The following PTPRG variants were observed in gnomAD, a reference collection of about 807,000 sequenced individuals.
PTPRG encodes protein tyrosine phosphatase receptor type G, also known as receptor-type tyrosine-protein phosphatase gamma.
In PTPRG, 102 loss-of-function variants were observed where a neutral mutation model predicts 165.3. The ratio of observed to expected loss-of-function variants is 0.62; its 90% CI spans 0.53 to 0.73. The LOEUF (loss-of-function observed/expected upper bound fraction) is 0.73. Among genes scored for constraint, PTPRG ranks in the 30% least tolerant of loss-of-function variants. The pLI, the probability that PTPRG is intolerant of heterozygous loss-of-function variation, is 0.00. For synonymous variants in PTPRG, 675 were observed against 669.5 expected (o/e 1.01, Z -0.13); for missense variants, 1,866 against 1,861.4 (o/e 1.00, Z -0.05).
At chr3:61,723,282 A>G (rs1303658926) in intron 1 of PTPRG, among the ~76,000 whole-genome samples, 2 of 151,180 alleles carry the variant, frequency 1.3e-5, no homozygotes, top group Non-Finnish European at 2.9e-5. Context: ...TTTTCTTTTT[A>G]CTGTCACAAC....
At chr3:61,961,057 A>C (rs79972842) in intron 2 of PTPRG, among the ~76,000 whole-genome samples, 2,017 of 152,262 alleles carry the variant, frequency 0.013, 41 homozygotes, top group African/African-American at 0.045. Context: ...TGTTCTTTGC[A>C]CAAGGCCAAA....
chr3:62,182,696 T>G (rs1203406099), intron 8 of PTPRG, among the ~76,000 whole-genome samples: 1 of 152,258 alleles, frequency 6.6e-6, no homozygotes, highest in African/African-American at 2.4e-5. Context: ...AGTCTCGCTC[T>G]GTCGCCAGGC....
intron 1 of PTPRG, among the ~76,000 whole-genome samples, chr3:61,590,391 G>A (rs975065468): frequency 1.3e-5 from 2 of 152,088 alleles, no homozygotes; most frequent in African/African-American, 4.8e-5. Flanking sequence ...TGGCGTAGTG[G>A]CACGCACCTG....
rs117584174 is a variant in PTPRG at position 62,139,112 on chromosome 3, T to C, written c.682+6444T>C. ...TCCTCTCCTGGAGAATGTACCATCT[T>C]AGTGAGGTGTAATAGGTTTCTTTTT... On this transcript the variant is annotated intron_variant, in intron 6 of 29. Transcript: ENST00000474889. Among the ~76,000 whole-genome samples the C allele has an allele frequency of 7.2e-5, 11 of 152,276 alleles. No individual in the cohort carries two copies. The East Asian group carries it at 1.9e-3, about 27-fold the overall frequency.
intron 1 of PTPRG, among the ~76,000 whole-genome samples, chr3:61,726,088 A>G (rs568310294): frequency 7.2e-5 from 11 of 152,300 alleles, no homozygotes; most frequent in South Asian, 6.2e-4. Context: ...CCTTCCCCAC[A>G]TATTTAATCT....
chr3:61,621,113 T>G (rs913768611), intron 1 of PTPRG, among the ~76,000 whole-genome samples: 3 of 150,170 alleles, frequency 2.0e-5, no homozygotes, highest in Admixed American at 1.3e-4. Context: ...TATACTAAAA[T>G]CCTATGAAAA....
rs1201511761 is a variant in PTPRG at position 62,098,492 on chromosome 3, CTG to C, written c.615+20237_615+20238del. On this transcript the variant is annotated intron_variant, in intron 5 of 29. Coordinates refer to ENST00000474889, the MANE Select transcript of PTPRG (RefSeq NM_002841.4). The stretch of plus-strand genomic sequence containing the variant: ...AATCACCTGTGGATAGTGGGGATAA[CTG>C]TGGGCAAATAAGGCATTGTCAATTT... 2.6e-5 allele frequency among the ~76,000 whole-genome samples: 4 copies of C among 152,186 alleles called. No homozygotes were observed. The East Asian group carries it at 7.7e-4, about 29-fold the overall frequency.
chr3:61,744,367 T>C (rs181054797), intron 1 of PTPRG, among the ~76,000 whole-genome samples: 79 of 152,310 alleles, frequency 5.2e-4, no homozygotes, highest in African/African-American at 1.9e-3. Context: ...TAGAGTGTAC[T>C]TAACAAACTT....
intron 1 of PTPRG, among the ~76,000 whole-genome samples, chr3:61,714,594 A>T (rs1021037647): frequency 3.9e-5 from 6 of 152,212 alleles, no homozygotes; most frequent in Non-Finnish European, 2.9e-5. Context: ...TTAGGGGCTG[A>T]GATTCAATCC....
intron 2 of PTPRG, among the ~76,000 whole-genome samples, chr3:61,938,000 T>C (rs1019608692): frequency 1.3e-5 from 2 of 152,042 alleles, no homozygotes; most frequent in South Asian, 2.1e-4. Context: ...AGTGCTTTTA[T>C]TGGAATTTAA....
chr3:61,881,666 C>T (rs539049124), intron 2 of PTPRG, among the ~76,000 whole-genome samples: 66 of 152,276 alleles, frequency 4.3e-4, no homozygotes, highest in African/African-American at 1.5e-3. Context: ...AGAACACTTT[C>T]CTCAAATACA....
At chr3:61,838,214 G>A (rs1427573815) in intron 2 of PTPRG, among the ~76,000 whole-genome samples, 1 of 152,184 alleles carries the variant, frequency 6.6e-6, no homozygotes, top group Admixed American at 6.5e-5. Flanking sequence ...CCTGAACTCA[G>A]TATGTGAGAA....
intron 6 of PTPRG, among the ~76,000 whole-genome samples, chr3:62,150,692 A>T (rs1377826212): frequency 6.6e-6 from 1 of 152,194 alleles, no homozygotes; most frequent in Non-Finnish European, 1.5e-5. Flanking sequence ...GTTGTGGGAA[A>T]CCCTGAAGAA....
At chr3:62,186,566 C>CGTTTTTT (rs1559620068) in intron 8 of PTPRG, among the ~76,000 whole-genome samples, 1 of 99,608 alleles carries the variant, frequency 1.0e-5, no homozygotes, top group African/African-American at 4.6e-5. Context: ...TTTTTCTTTT[C>CGTTTTTT]CTTTTTTTTT....
At chr3:62,163,009 G>A (rs765327387) in intron 7 of PTPRG, among the ~76,000 whole-genome samples, 18 of 152,144 alleles carry the variant, frequency 1.2e-4, no homozygotes, top group Non-Finnish European at 2.5e-4. Context: ...CAATCATGGC[G>A]GACAGGAAGC....
intron 2 of PTPRG, among the ~76,000 whole-genome samples, chr3:61,856,983 C>T (rs1264714626): frequency 6.6e-6 from 1 of 152,140 alleles, no homozygotes; most frequent in Middle Eastern, 3.2e-3. Context: ...ATTTTCTCTA[C>T]ATGAGGCTCC....
intron 2 of PTPRG, among the ~76,000 whole-genome samples, chr3:61,783,073 T>C (rs2034591866): frequency 6.6e-6 from 1 of 152,222 alleles, no homozygotes; most frequent in Non-Finnish European, 1.5e-5. Flanking sequence ...CCTAAAATAC[T>C]GGGATTACAG....
chr3:61,989,096 T>G (rs1191460055), intron 2 of PTPRG, among the ~76,000 whole-genome samples: 1 of 152,198 alleles, frequency 6.6e-6, no homozygotes, highest in East Asian at 1.9e-4. Context: ...TGAAAAATCT[T>G]TCACAATTAG....
intron 1 of PTPRG, among the ~76,000 whole-genome samples, chr3:61,572,720 GAAGGT>G (rs1700085280): frequency 2.0e-5 from 3 of 152,116 alleles, no homozygotes; most frequent in Admixed American, 6.5e-5. Context: ...TGAAAAATAG[GAAGGT>G]CTAGCAGCCT....
Sources: allele counts gnomAD v4.1 joint callset (sites outside exome capture counted in the v4.1 genomes callset), GRCh38; gene constraint gnomAD v4.1.1; transcripts MANE v1.5; gene names NCBI Gene and HGNC (gene_info 2026-07-23, HGNC 2026-07-21).